ATAD2: variants seen among roughly 807,000 people sequenced by gnomAD.
The protein encoded by ATAD2 is ATPase family AAA domain containing 2.
Under a neutral mutation model 168.9 loss-of-function variants are expected in ATAD2, and 62 were observed. That is an observed-to-expected ratio of 0.37 (90% CI 0.30 to 0.45). ATAD2 has a LOEUF of 0.45. Ranked by LOEUF, ATAD2 falls within the 20% of genes least tolerant of loss-of-function variation. ATAD2 has a pLI of 1.00. For missense variants in ATAD2, 1,419 were observed against 1,667.8 expected, an observed-to-expected ratio of 0.85 and a Z score of 2.60; for synonymous variants, 613 against 571.6, an observed-to-expected ratio of 1.07 and a Z score of -1.03.
intron 26 of ATAD2, among the ~76,000 whole-genome samples, chr8:123,324,121 TAG>T (rs750429811): frequency 2.6e-5 from 4 of 152,158 alleles, no homozygotes; most frequent in Non-Finnish European, 4.4e-5. Context: ...TATTTTTTAA[TAG>T]AGTTTTTCAG....
At chr8:123,358,492 C>T (rs906018803) in intron 11 of ATAD2, among the ~76,000 whole-genome samples, 3 of 151,298 alleles carry the variant, frequency 2.0e-5, no homozygotes, top group African/African-American at 7.3e-5. Flanking sequence ...CAACAGGTGC[C>T]CGCCACCATG....
intron 2 of ATAD2, among the ~76,000 whole-genome samples, chr8:123,379,430 T>C (rs1015742692): frequency 3.9e-5 from 6 of 152,220 alleles, no homozygotes; most frequent in Non-Finnish European, 8.8e-5. Context: ...AGCTAAGTTA[T>C]AGTCACAAAA....
intron 13 of ATAD2, among the ~76,000 whole-genome samples, chr8:123,353,365 A>AAACAAC (rs554418047): frequency 6.6e-6 from 1 of 151,916 alleles, no homozygotes; most frequent in East Asian, 1.9e-4. Context: ...CTCTGTCACA[A>AAACAAC]AACAACAACA....
chr8:123,400,766 C>T (rs868055222), upstream of ATAD2: 53 of 805,122 alleles, frequency 6.6e-5, no homozygotes, highest in Middle Eastern at 6.9e-4. The surrounding 1 kb of genome is among the most constrained non-coding windows in gnomAD (Gnocchi z 4.5). Context: ...CTGAAGACGC[C>T]GCTGATCTCC....
At position 123,380,655 on chromosome 8, in the gene ATAD2, AC is replaced by A; in HGVS notation, c.193del (p.Val65LeufsTer10). On this transcript the variant is annotated frameshift_variant, in exon 2 of 28. Transcript: ENST00000287394. LOFTEE classifies it high-confidence loss of function. ...AGCACGTGTCCGGTGGTAGGTTTCA[AC>A]TTCCTTAACTGATGACCCATCCTTT... ...KAGDGSSVKEVETYHRTRALR... is the reference protein window; with the variant it reads ...KAGDGSSVKEXETYHRTRALR... 1 of 1,613,662 alleles carries A rather than the reference AC, an allele frequency of 6.2e-7. No homozygotes were observed. Among genetic ancestry groups the A allele is most frequent in the Non-Finnish European group, 8.5e-7 (1 of 1,179,778 alleles).
intron 1 of ATAD2, among the ~76,000 whole-genome samples, chr8:123,381,797 T>C (rs1317184700): frequency 6.6e-6 from 1 of 152,028 alleles, no homozygotes; most frequent in Non-Finnish European, 1.5e-5. Flanking sequence ...TCCCAGCACT[T>C]TGGGAGGTTG....
chr8:123,363,775 A>T (rs1828887679), intron 8 of ATAD2, among the ~76,000 whole-genome samples: 1 of 152,212 alleles, frequency 6.6e-6, no homozygotes, highest in East Asian at 1.9e-4. Context: ...TGTACTTGAT[A>T]TAGTATTTAA....
At chr8:123,341,332 C>T (rs1381897765) in intron 19 of ATAD2, among the ~76,000 whole-genome samples, 4 of 152,160 alleles carry the variant, frequency 2.6e-5, no homozygotes, top group South Asian at 2.1e-4. Context: ...ATTTTTTCGA[C>T]CTCTCCACAT....
chr8:123,341,288 T>G (rs2131310295), intron 19 of ATAD2, among the ~76,000 whole-genome samples: 1 of 152,296 alleles, frequency 6.6e-6, no homozygotes, highest in East Asian at 1.9e-4. Context: ...ATTTCCACAT[T>G]CTCGAAAAAG....
In ATAD2 at chr8:123,347,128, G is replaced by A. The variant is rs1195585336; in HGVS notation, c.2176C>T (p.His726Tyr). 1.2e-6 allele frequency: 2 copies of A among 1,613,594 alleles called. No individual in the cohort carries two copies. The highest frequency in any genetic ancestry group is 1.7e-6 in the Non-Finnish European group (2 of 1,179,776). Reference protein sequence around the residue: ...ILEALQRVFPHAEFRTNKTLD... With the variant: ...ILEALQRVFPYAEFRTNKTLD... The stretch of plus-strand genomic sequence containing the variant: ...GTTTTATTTGTTCTGAATTCTGCAT[G>A]TGGAAATACTCTCTGCAGGGCTTCT... The change falls in exon 16 of 28, where the codon CAT becomes TAT. Residue 726 changes from histidine to tyrosine, a missense_variant. Around this residue, in one of 5 missense-constraint regions of ATAD2, gnomAD observed 545 missense variants for 724.9 expected, o/e 0.75. Transcript: ENST00000287394.
chr8:123,400,724 A>G, upstream of ATAD2: 1 of 756,704 alleles, frequency 1.3e-6, no homozygotes. This position sits in a 1 kb window ranked among gnomAD's most constrained non-coding sequence, Gnocchi z 4.5. Context: ...GATGAGGCGG[A>G]CCTCACCTCA....
intron 1 of ATAD2, among the ~76,000 whole-genome samples, chr8:123,381,875 C>T (rs187796263): frequency 6.6e-6 from 1 of 152,180 alleles, no homozygotes; most frequent in Admixed American, 6.5e-5. Context: ...TGTGAAACCC[C>T]GTCTCTACTA....
chr8:123,396,206 G>C lies in ATAD2; in HGVS notation c.152C>G (p.Ala51Gly). 6 of 1,584,774 alleles carry C rather than the reference G, an allele frequency of 3.8e-6. No individual in the cohort carries two copies. Among genetic ancestry groups the C allele is most frequent in the Non-Finnish European group, 5.1e-6 (6 of 1,170,486 alleles). ...SAGAAQKKPA[A>G]TTAKAGDGSS... is the part of the protein sequence containing the mutation. ...ACTCACGCCCGCTTTGGCTGTGGTC[G>C]CCGCGGGTTTCTTCTGCGCCGCGCC... Residue 51 changes from alanine (A) to glycine (G), a missense_variant, in exon 1 of 28, where the codon GCG becomes GGG. Physicochemically the swap from Ala to Gly is moderately conservative, Grantham distance 60. This residue lies in a region of ATAD2 where 419 missense variants were observed against 423.5 expected (regional missense o/e 0.99). Coordinates refer to ENST00000287394, the MANE Select transcript of ATAD2 (RefSeq NM_014109.4).
At chr8:123,375,601 A>G (rs1829285784) in intron 2 of ATAD2, among the ~76,000 whole-genome samples, 1 of 152,246 alleles carries the variant, frequency 6.6e-6, no homozygotes, top group African/African-American at 2.4e-5. Flanking sequence ...CAAAAAGTAG[A>G]CAATCCAAAT....
chr8:123,371,058 T>C (rs1829136390), intron 5 of ATAD2, 68 bp from the exon 6 acceptor site: 2 of 1,181,266 alleles, frequency 1.7e-6, no homozygotes, highest in Non-Finnish European at 2.4e-6. Context: ...AGTTGGATCC[T>C]CCAATCTTGT....
upstream of ATAD2, among the ~76,000 whole-genome samples, chr8:123,399,126 G>A (rs187483307): frequency 6.6e-6 from 1 of 152,204 alleles, no homozygotes; most frequent in African/African-American, 2.4e-5. Context: ...GCTGGGCGTG[G>A]TGGTGCACGC....
Position 123,402,202 on chromosome 8 carries a change from C to T in ATAD2, c.-2281-1027G>A, listed in dbSNP as rs761442218. 1.7e-5 allele frequency: 11 copies of T among 630,856 alleles called. No homozygotes were observed. Among genetic ancestry groups the T allele is most frequent in the Non-Finnish European group, 3.2e-5 (11 of 346,952 alleles). 39.1% of individuals were successfully genotyped at this position (630,856 alleles called of 1,614,324 possible). On this transcript the variant is annotated intron_variant, in intron 1 of 28. Transcript: ENST00000521903. The surrounding 1 kb of genome is among the most constrained non-coding windows in gnomAD (Gnocchi z 4.8). ...CATCACTGAGTGGTCCACAGATTTG[C>T]ACTACGGGTTCCCCAGCTCCTTTCC...
In ATAD2 at chr8:123,334,289, C is replaced by G; in HGVS notation, c.3245G>C (p.Arg1082Thr). 1 of 1,594,654 alleles carries G rather than the reference C, an allele frequency of 6.3e-7. No individual in the cohort carries two copies. Among genetic ancestry groups the G allele is most frequent in the Non-Finnish European group, 8.5e-7 (1 of 1,174,964 alleles). ...RLIRHRACAL[R>T]DTAYAIIKEE... ...TTTAATTATGGCATAGGCAGTATCTCTTAAAGCACAGGCTCTATGCCTAAT... is the reference window on the plus strand; with the variant it reads ...TTTAATTATGGCATAGGCAGTATCTGTTAAAGCACAGGCTCTATGCCTAAT... The change falls in exon 23 of 28, where the codon AGA (arginine) becomes ACA (threonine). Residue 1082 changes from arginine to threonine, a missense_variant. By Grantham distance (71) the Arg-to-Thr change is moderately conservative (BLOSUM62 -1). Coordinates refer to ENST00000287394, the MANE Select transcript of ATAD2 (RefSeq NM_014109.4).
intron 6 of ATAD2, 112 bp from the exon 7 acceptor site, chr8:123,370,136 T>TA (rs563477611): frequency 0.097 from 56,363 of 581,182 alleles, 145 homozygotes; most frequent in South Asian, 0.12. Context: ...TATCTACTCC[T>TA]AAAAAAAAAA....
Sources: gnomAD v4.1 joint callset for allele counts (sites outside exome capture counted in the v4.1 genomes callset) on GRCh38, gnomAD v4.1.1 for gene constraint, gnomAD v4.1.1 regional missense constraint, Gnocchi (gnomAD v3.1) non-coding constraint, MANE v1.5 for transcripts, NCBI Gene and HGNC (gene_info 2026-07-23, HGNC 2026-07-21) for gene names.